CATSPERB: variants seen among roughly 807,000 people sequenced by gnomAD.
The protein encoded by CATSPERB is cation channel sperm-associated auxiliary subunit beta.
A neutral mutation model predicts 128.3 loss-of-function variants in CATSPERB; 93 were observed. The observed-to-expected ratio is 0.72, with a 90% CI of 0.61 to 0.86. The LOEUF (loss-of-function observed/expected upper bound fraction) is 0.86, where lower values mean the gene tolerates loss of function less well. Among genes scored for constraint, CATSPERB ranks in the 40% least tolerant of loss-of-function variants. CATSPERB has a pLI of 0.00. For synonymous variants in CATSPERB, 381 were observed against 448.8 expected, an observed-to-expected ratio of 0.85 and a Z score of 1.91; for missense variants, 1,153 against 1,329.5, an observed-to-expected ratio of 0.87 and a Z score of 2.06.
At position 91,619,187 on chromosome 14, in the gene CATSPERB, A is replaced by G. The variant is rs376232579; in HGVS notation, c.2261-1451T>C. Among the ~76,000 whole-genome samples the G allele has an allele frequency of 1.9e-3, 288 of 152,340 alleles. 1 individual carries two copies. The highest frequency in any genetic ancestry group is 6.6e-3 in the African/African-American group (276 of 41,578). ...TTCAGAAATGGTCAGAATAACAGGTAAATTGTATACTAAGATAAAGTTATA... is the reference window on the plus strand; with the variant it reads ...TTCAGAAATGGTCAGAATAACAGGTGAATTGTATACTAAGATAAAGTTATA... On this transcript the variant is annotated intron_variant, in intron 19 of 26. Coordinates refer to ENST00000256343, the MANE Select transcript of CATSPERB (RefSeq NM_024764.4).
At chr14:91,713,285 GAA>G (rs35911352) in intron 5 of CATSPERB, among the ~76,000 whole-genome samples, 1 of 148,986 alleles carries the variant, frequency 6.7e-6, no homozygotes, top group Admixed American at 6.7e-5. Context: ...AACAAACTAG[GAA>G]AAAAAAAAGA....
chr14:91,660,033 G>C, intron 14 of CATSPERB, 52 bp from the exon 15 acceptor site: 1 of 1,498,524 alleles, frequency 6.7e-7, no homozygotes, highest in Non-Finnish European at 8.9e-7. Flanking sequence ...TGCAACAGTT[G>C]GCAGTTACCT....
chr14:91,624,652 A>C (rs1269327755), intron 18 of CATSPERB, among the ~76,000 whole-genome samples, 168 bp downstream of exon 18: 1 of 152,150 alleles, frequency 6.6e-6, no homozygotes, highest in African/African-American at 2.4e-5. Context: ...AAAAAAAAAA[A>C]AAACAAAAAA....
intron 15 of CATSPERB, among the ~76,000 whole-genome samples, chr14:91,650,959 A>G (rs570006147): frequency 2.6e-5 from 4 of 152,148 alleles, no homozygotes; most frequent in African/African-American, 7.2e-5. Flanking sequence ...TAGTTTTCTT[A>G]GGTGTTATTT....
intron 7 of CATSPERB, among the ~76,000 whole-genome samples, chr14:91,694,787 C>T (rs2139847374): frequency 6.6e-6 from 1 of 152,274 alleles, no homozygotes; most frequent in African/African-American, 2.4e-5. Context: ...TCCCCAACCC[C>T]ACCTTTTCTT....
chr14:91,616,440 G>A (rs561996709), intron 20 of CATSPERB, among the ~76,000 whole-genome samples: 94 of 152,124 alleles, frequency 6.2e-4, no homozygotes, highest in Admixed American at 1.4e-3. Flanking sequence ...TAATGCTAAC[G>A]AAGGGTTCAT....
At chr14:91,632,405 T>C (rs140471297) in intron 17 of CATSPERB, among the ~76,000 whole-genome samples, 1,856 of 152,094 alleles carry the variant, frequency 0.012, 15 homozygotes, top group Non-Finnish European at 0.02. Flanking sequence ...GAATGGTACA[T>C]CTTAAAATGG....
At chr14:91,670,639 C>T (rs1187187782) in intron 13 of CATSPERB, among the ~76,000 whole-genome samples, 1 of 151,816 alleles carries the variant, frequency 6.6e-6, no homozygotes, top group African/African-American at 2.4e-5. Context: ...ATGATCACAC[C>T]ACTGCACTCC....
chr14:91,620,575 C>T lies in CATSPERB; in HGVS notation c.2260+1033G>A, dbSNP rs562990158. Among the ~76,000 whole-genome samples, 40 of 151,990 alleles carry T rather than the reference C, an allele frequency of 2.6e-4. 1 individual carries two copies. The highest frequency in any genetic ancestry group is 6.8e-3 in the Middle Eastern group (2 of 294). On this transcript the variant is annotated intron_variant, in intron 19 of 26. Transcript: ENST00000256343. The stretch of plus-strand genomic sequence containing the variant: ...TTTTATTTTTTCCATTGTGCTATTT[C>T]GCTAGCATCTTTAACAATTTTTGTA...
At chr14:91,606,198 A>G (rs2139772825) in intron 22 of CATSPERB, among the ~76,000 whole-genome samples, 1 of 151,914 alleles carries the variant, frequency 6.6e-6, no homozygotes, top group African/African-American at 2.4e-5. Context: ...AAACAAATAA[A>G]ATGCAGATTT....
chr14:91,697,087 A>G (rs1446481608), intron 7 of CATSPERB, among the ~76,000 whole-genome samples: 1 of 152,192 alleles, frequency 6.6e-6, no homozygotes, highest in Non-Finnish European at 1.5e-5. Flanking sequence ...AGTACTCTTT[A>G]TAGGGAGTAC....
intron 11 of CATSPERB, among the ~76,000 whole-genome samples, chr14:91,679,096 A>G (rs1010233778): frequency 6.6e-6 from 1 of 152,318 alleles, no homozygotes; most frequent in East Asian, 1.9e-4. Flanking sequence ...AATGAAATTT[A>G]AAATCTTAAA....
chr14:91,596,975 C>T (rs976321648), intron 22 of CATSPERB, among the ~76,000 whole-genome samples: 11 of 151,916 alleles, frequency 7.2e-5, no homozygotes, highest in African/African-American at 2.2e-4. Context: ...CAAGCTCCAC[C>T]TCCTGGGTTC....
At chr14:91,650,458 A>G (rs560955097) in intron 15 of CATSPERB, among the ~76,000 whole-genome samples, 1 of 152,326 alleles carries the variant, frequency 6.6e-6, no homozygotes, top group African/African-American at 2.4e-5. Flanking sequence ...GTTGGTTCCA[A>G]ATTCTTAGGT....
chr14:91,684,355 G>C (rs1895338541), intron 10 of CATSPERB, among the ~76,000 whole-genome samples: 1 of 152,132 alleles, frequency 6.6e-6, no homozygotes, highest in African/African-American at 2.4e-5. Flanking sequence ...CAGGAAAAAG[G>C]TTTTGAAAAT....
At chr14:91,711,486 C>A (rs1041414231) in intron 5 of CATSPERB, among the ~76,000 whole-genome samples, 1 of 152,186 alleles carries the variant, frequency 6.6e-6, no homozygotes, top group Non-Finnish European at 1.5e-5. Context: ...CCACCTTGAC[C>A]TCCCAAAGTA....
intron 17 of CATSPERB, among the ~76,000 whole-genome samples, chr14:91,627,628 G>A (rs1013153014): frequency 2.6e-5 from 4 of 152,168 alleles, no homozygotes; most frequent in African/African-American, 9.7e-5. Context: ...TGGAAGATAA[G>A]GGTTGTTTTG....
At chr14:91,642,689 GC>G in intron 15 of CATSPERB, among the ~76,000 whole-genome samples, 1 of 130,660 alleles carries the variant, frequency 7.7e-6, no homozygotes, top group South Asian at 2.9e-4. Context: ...TTGTGTCTCT[GC>G]CCGGCTTTGG....
rs1401975057 is a variant in CATSPERB at position 91,701,975 on chromosome 14, T to C, written c.616+2577A>G. Among the ~76,000 whole-genome samples, 18 of 152,182 alleles carry C rather than the reference T, an allele frequency of 1.2e-4. 1 individual carries two copies. The South Asian group carries it at 1.7e-3, about 14-fold the overall frequency. On this transcript the variant is annotated intron_variant, in intron 7 of 26. Transcript: ENST00000256343. ...CTTGATACTGTGAGAACTTCCTTTA[T>C]TGCTTCAGCACAGTGGTGACCAGTT...
Sources: gnomAD v4.1 joint callset for allele counts (sites outside exome capture counted in the v4.1 genomes callset) on GRCh38, gnomAD v4.1.1 for gene constraint, MANE v1.5 for transcripts, NCBI Gene and HGNC (gene_info 2026-07-23, HGNC 2026-07-21) for gene names.